The following FBXL7 variants were observed in gnomAD, a reference collection of about 807,000 sequenced individuals.
FBXL7 encodes the protein F-box/LRR-repeat protein 7.
In FBXL7, 12 loss-of-function variants were observed where a neutral mutation model predicts 38.3. The ratio of observed to expected loss-of-function variants is 0.31; its 90% CI spans 0.20 to 0.51. FBXL7 has a LOEUF of 0.51. FBXL7 is among the 20% of genes least tolerant of loss of function. FBXL7 has a pLI of 0.98. For synonymous variants in FBXL7, 297 were observed against 300.9 expected (o/e 0.99, Z 0.13); for missense variants, 567 against 676.4 (o/e 0.84, Z 1.79).
chr5:15,882,047 A>G (rs1460659964), intron 2 of FBXL7, among the ~76,000 whole-genome samples: 2 of 152,194 alleles, frequency 1.3e-5, no homozygotes, highest in South Asian at 4.1e-4. Context: ...AGGTGCTGCA[A>G]ACTTTTAAAG....
chr5:15,917,702 A>AAAGAAAGG (rs1362973456), intron 2 of FBXL7, among the ~76,000 whole-genome samples: 1 of 123,196 alleles, frequency 8.1e-6, no homozygotes, highest in Non-Finnish European at 1.8e-5. Context: ...AGGAAGAAAG[A>AAAGAAAGG]AAGGAAGGAA....
At chr5:15,692,023 G>T (rs996344558) in intron 2 of FBXL7, among the ~76,000 whole-genome samples, 5 of 152,146 alleles carry the variant, frequency 3.3e-5, no homozygotes, top group African/African-American at 1.2e-4. Flanking sequence ...GTGGCTGAGC[G>T]TCTGCTGTGG....
intron 1 of FBXL7, among the ~76,000 whole-genome samples, chr5:15,566,482 G>T (rs1738575439): frequency 6.6e-6 from 1 of 152,116 alleles, no homozygotes; most frequent in Non-Finnish European, 1.5e-5. Context: ...GTCAACTTGA[G>T]TAACTACCAT....
intron 1 of FBXL7, among the ~76,000 whole-genome samples, chr5:15,516,961 T>C (rs1470177914): frequency 1.3e-5 from 2 of 152,196 alleles, no homozygotes; most frequent in Non-Finnish European, 2.9e-5. Context: ...TATGTCTTTA[T>C]TAGCAGCGTG....
chr5:15,856,603 G>A (rs1002296805), intron 2 of FBXL7, among the ~76,000 whole-genome samples: 1 of 151,674 alleles, frequency 6.6e-6, no homozygotes, highest in Non-Finnish European at 1.5e-5. Flanking sequence ...AAAAGATAGA[G>A]ACATCAATAA....
chr5:15,556,157 G>C (rs992428647), intron 1 of FBXL7, among the ~76,000 whole-genome samples: 1 of 151,942 alleles, frequency 6.6e-6, no homozygotes, highest in South Asian at 2.1e-4. Flanking sequence ...TTACTCTGAG[G>C]TATTGGCTTA....
At chr5:15,772,904 T>TG (rs1241008264) in intron 2 of FBXL7, among the ~76,000 whole-genome samples, 6 of 152,156 alleles carry the variant, frequency 3.9e-5, no homozygotes, top group African/African-American at 1.2e-4. Context: ...AGACTTTGTT[T>TG]TTTTTTTTGA....
Position 15,814,505 on chromosome 5 carries a change from C to G in FBXL7, c.128-113385C>G, listed in dbSNP as rs148774702. ...ATGGGTCGATGGGTGCAGCAAACCA[C>G]CATGGCACATGTATACCTATGTAAT... is the stretch of plus-strand genomic sequence containing the variant. On this transcript the variant is annotated intron_variant, in intron 2 of 3. Transcript: ENST00000504595. Among the ~76,000 whole-genome samples the G allele has an allele frequency of 2.6e-3, 393 of 151,936 alleles. 2 individuals are homozygous for G. The highest frequency in any genetic ancestry group is 8.8e-3 in the African/African-American group (363 of 41,428).
intron 1 of FBXL7, among the ~76,000 whole-genome samples, chr5:15,606,070 A>T (rs1207533644): frequency 6.6e-6 from 1 of 152,202 alleles, no homozygotes; most frequent in Non-Finnish European, 1.5e-5. Context: ...GATAAAATTG[A>T]CTCAGCTGGT....
chr5:15,548,241 C>T (rs1344789891), intron 1 of FBXL7, among the ~76,000 whole-genome samples: 1 of 152,108 alleles, frequency 6.6e-6, no homozygotes, highest in African/African-American at 2.4e-5. Context: ...AGGGTGAAAC[C>T]AAGAACATTT....
At chr5:15,854,884 A>G (rs1183871964) in intron 2 of FBXL7, among the ~76,000 whole-genome samples, 1 of 151,692 alleles carries the variant, frequency 6.6e-6, no homozygotes, top group Non-Finnish European at 1.5e-5. Flanking sequence ...CAGTCAAACC[A>G]AAAAAAACAG....
intron 2 of FBXL7, among the ~76,000 whole-genome samples, chr5:15,741,793 A>T (rs778233914): frequency 6.6e-6 from 1 of 151,230 alleles, no homozygotes; most frequent in Non-Finnish European, 1.5e-5. Flanking sequence ...GAAGTACAGG[A>T]AAAGAACAAC....
At chr5:15,640,649 G>A (rs939299198) in intron 2 of FBXL7, among the ~76,000 whole-genome samples, 5 of 151,806 alleles carry the variant, frequency 3.3e-5, no homozygotes, top group African/African-American at 9.7e-5. Context: ...TCAGCCTCCA[G>A]AGTAGCTGGG....
chr5:15,650,895 A>G (rs1243296142), intron 2 of FBXL7, among the ~76,000 whole-genome samples: 1 of 152,070 alleles, frequency 6.6e-6, no homozygotes, highest in African/African-American at 2.4e-5. Flanking sequence ...AAATGCTAGA[A>G]CCCCTCAAAG....
At chr5:15,629,191 C>CATG (rs75811823) in intron 2 of FBXL7, among the ~76,000 whole-genome samples, 15,770 of 151,988 alleles carry the variant, frequency 0.1, 933 homozygotes, top group African/African-American at 0.16. Context: ...GAGACTGAGA[C>CATG]ATGAGCTCAG....
chr5:15,645,575 C>G (rs1741503748), intron 2 of FBXL7, among the ~76,000 whole-genome samples: 1 of 152,166 alleles, frequency 6.6e-6, no homozygotes, highest in South Asian at 2.1e-4. Flanking sequence ...CTACCGTGGG[C>G]ACATGTCATC....
intron 1 of FBXL7, among the ~76,000 whole-genome samples, chr5:15,567,422 C>T (rs561555947): frequency 1.3e-4 from 19 of 151,546 alleles, no homozygotes; most frequent in African/African-American, 2.7e-4. Flanking sequence ...TGAAATTTTG[C>T]GTTTCTCTCC....
chr5:15,936,959 G>A lies in FBXL7; in HGVS notation c.1249G>A (p.Asp417Asn), dbSNP rs1579618155. The A allele has an allele frequency of 6.2e-7, 1 of 1,613,906 alleles. No homozygotes were observed. Among genetic ancestry groups the A allele is most frequent in the African/African-American group, 1.3e-5 (1 of 74,950 alleles). The change falls in exon 4 of 4, where the codon GAC becomes AAC. Residue 417 changes from aspartate to asparagine, a missense_variant. Physicochemically the swap from Asp to Asn is conservative, Grantham distance 23. Coordinates refer to ENST00000504595, the MANE Select transcript of FBXL7 (RefSeq NM_012304.5). This position sits in a 1 kb window ranked among gnomAD's most constrained non-coding sequence, Gnocchi z 6.0. ...TATCGGCAAATGCCCTTTGGTATCC[G>A]ACACGGGCCTGGAGTGCCTGGCCCT... The part of the protein sequence containing the change: ...LDIGKCPLVS[D>N]TGLECLALNC...
At chr5:15,745,613 G>A (rs1726695837) in intron 2 of FBXL7, among the ~76,000 whole-genome samples, 1 of 152,170 alleles carries the variant, frequency 6.6e-6, no homozygotes, top group African/African-American at 2.4e-5. Context: ...AGTAAAGTCT[G>A]CATATGTCTA....
Sources: gnomAD v4.1 joint callset for allele counts (sites outside exome capture counted in the v4.1 genomes callset) on GRCh38, gnomAD v4.1.1 for gene constraint, Gnocchi (gnomAD v3.1) non-coding constraint, MANE v1.5 for transcripts, NCBI Gene and HGNC (gene_info 2026-07-23, HGNC 2026-07-21) for gene names.